SP4: variants seen among roughly 807,000 people sequenced by gnomAD.
The protein encoded by SP4 is transcription factor Sp4.
SP4 carries 19 observed loss-of-function variants against 72.8 expected under a neutral mutation model. The ratio of observed to expected loss-of-function variants is 0.26; its 90% CI spans 0.18 to 0.38. The LOEUF (loss-of-function observed/expected upper bound fraction) is 0.38, where lower values mean the gene tolerates loss of function less well. Among genes scored for constraint, SP4 ranks in the 10% least tolerant of loss-of-function variants. The pLI is 1.00. For missense variants in SP4, 1,008 were observed against 926.3 expected, an observed-to-expected ratio of 1.09 and a Z score of -1.14; for synonymous variants, 395 against 333.1, an observed-to-expected ratio of 1.19 and a Z score of -2.02.
chr7:21,471,459 C>A (rs1287361504), intron 3 of SP4, among the ~76,000 whole-genome samples: 1 of 152,166 alleles, frequency 6.6e-6, no homozygotes, highest in Admixed American at 6.5e-5. Flanking sequence ...AGTGTGGGTT[C>A]AAATCCCAGC....
Position 21,428,179 on chromosome 7 carries a change from T to TGCCCCCCCCCCCCCCC in SP4, c.-73_-72insGCCCCCCCCCCCCCCC. On this transcript the variant is annotated 5_prime_UTR_variant, in exon 1 of 6. Coordinates refer to ENST00000222584, the MANE Select transcript of SP4 (RefSeq NM_003112.5). The stretch of plus-strand genomic sequence containing the variant: ...GCGGGCGGGCGGGACCGGCCTCTCC[T>TGCCCCCCCCCCCCCCC]CCCGCCTCGCCCCCACCCCCACCCA... The TGCCCCCCCCCCCCCCC allele has an allele frequency of 1.2e-5, 7 of 600,790 alleles. No homozygotes were observed. Among genetic ancestry groups the TGCCCCCCCCCCCCCCC allele is most frequent in the East Asian group, 3.8e-5 (1 of 26,626 alleles). The allele number at this position is 600,790 out of a possible 1,614,324, so 37.2% of individuals were successfully genotyped here.
intron 3 of SP4, among the ~76,000 whole-genome samples, chr7:21,451,631 G>A (rs1329364677): frequency 6.6e-6 from 1 of 152,112 alleles, no homozygotes; most frequent in Non-Finnish European, 1.5e-5. Flanking sequence ...GACAGGGGCA[G>A]GATTTTGCCT....
At chr7:21,481,822 C>G (rs1000407594) in intron 4 of SP4, 102 bp from the exon 5 acceptor site, 12 of 828,266 alleles carry the variant, frequency 1.4e-5, no homozygotes, top group Non-Finnish European at 2.4e-5. Flanking sequence ...CAAACCTATT[C>G]AGAGAAGCAT....
At chr7:21,496,502 G>C (rs1781711332) in intron 5 of SP4, among the ~76,000 whole-genome samples, 1 of 152,214 alleles carries the variant, frequency 6.6e-6, no homozygotes, top group African/African-American at 2.4e-5. Flanking sequence ...GTAAACTGAA[G>C]GCTCAAGAGG....
chr7:21,510,460 A>G (rs1174215876), intron 5 of SP4, among the ~76,000 whole-genome samples: 1 of 152,242 alleles, frequency 6.6e-6, no homozygotes, highest in East Asian at 1.9e-4. Flanking sequence ...TGCTTTGGAC[A>G]ACAGAAACTG....
At position 21,511,387 on chromosome 7, in the gene SP4, CTTT is replaced by C; in HGVS notation, c.*119_*121del. The C allele has an allele frequency of 9.2e-7, 1 of 1,086,328 alleles. No homozygotes were observed. The highest frequency in any genetic ancestry group is 1.3e-6 in the Non-Finnish European group (1 of 764,130). The allele number at this position is 1,086,328 out of a possible 1,614,324, so 67.3% of individuals were successfully genotyped here. On this transcript the variant is annotated 3_prime_UTR_variant, in exon 6 of 6. Transcript: ENST00000222584. ...GAAATTATGTTTTCATTCTTGGCTTCTTTAAGTATTCCAGGGTTTGGGGTCAAC... is the reference window on the plus strand; with the variant it reads ...GAAATTATGTTTTCATTCTTGGCTTCAAGTATTCCAGGGTTTGGGGTCAAC...
At chr7:21,466,500 C>A (rs1199089081) in intron 3 of SP4, among the ~76,000 whole-genome samples, 1 of 152,168 alleles carries the variant, frequency 6.6e-6, no homozygotes, top group East Asian at 1.9e-4. Flanking sequence ...AATCAGAACT[C>A]AGAAACAGGT....
At position 21,429,830 on chromosome 7, in the gene SP4, A is replaced by G; in HGVS notation, c.665A>G (p.Gln222Arg). 3.1e-6 allele frequency: 5 copies of G among 1,614,226 alleles called. No individual in the cohort carries two copies. The highest frequency in any genetic ancestry group is 3.4e-6 in the Non-Finnish European group (4 of 1,180,042). Residue 222 changes from glutamine to arginine, a missense_variant, in exon 3 of 6, where the codon CAA becomes CGA. This residue lies in a region of SP4 where 893 missense variants were observed against 743.3 expected (regional missense o/e 1.20). Coordinates refer to ENST00000222584, the MANE Select transcript of SP4 (RefSeq NM_003112.5). ...ACAGCTTCTGGGAATATTCTTGCTC[A>G]AAACCTGGCAAATCAGACAGTTCCG... ...NRTASGNILA[Q>R]NLANQTVPVQ... is the part of the protein sequence containing the mutation.
rs938138552 is a variant in SP4 at position 21,514,380 on chromosome 7, T to C, written c.*3111T>C. ...GTGTTTTTTTATGCATGTCACTAAGTTGTCATCCCACATAAATTGATGTGC... is the reference window on the plus strand; with the variant it reads ...GTGTTTTTTTATGCATGTCACTAAGCTGTCATCCCACATAAATTGATGTGC... On this transcript the variant is annotated 3_prime_UTR_variant, in exon 6 of 6. Coordinates refer to ENST00000222584, the MANE Select transcript of SP4 (RefSeq NM_003112.5). The C allele has an allele frequency of 2.0e-5, 3 of 152,600 alleles. No homozygotes were observed. Among genetic ancestry groups the C allele is most frequent in the African/African-American group, 7.2e-5 (3 of 41,438 alleles). 9.5% of individuals were successfully genotyped at this position (152,600 alleles called of 1,614,324 possible).
At chr7:21,437,305 TC>T (rs1783080497) in intron 3 of SP4, among the ~76,000 whole-genome samples, 1 of 152,204 alleles carries the variant, frequency 6.6e-6, no homozygotes, top group African/African-American at 2.4e-5. Flanking sequence ...GTTCATATCT[TC>T]TTTCTTTAGG....
At chr7:21,478,018 G>A (rs1445407886) in intron 4 of SP4, among the ~76,000 whole-genome samples, 1 of 152,118 alleles carries the variant, frequency 6.6e-6, no homozygotes, top group Non-Finnish European at 1.5e-5. Flanking sequence ...AATAAATTCT[G>A]TATCTTTTTT....
chr7:21,482,644 C>T (rs1236781027), intron 5 of SP4: 1 of 984,416 alleles, frequency 1.0e-6, no homozygotes, highest in Non-Finnish European at 1.2e-6. Flanking sequence ...CATGTTTACC[C>T]TTTCACCTTT....
intron 3 of SP4, among the ~76,000 whole-genome samples, chr7:21,444,316 A>G (rs368055686): frequency 1.3e-5 from 2 of 152,202 alleles, no homozygotes; most frequent in African/African-American, 4.8e-5. Flanking sequence ...ACTTCTTTGA[A>G]CCTTATGTTT....
chr7:21,464,876 T>G (rs1158612157), intron 3 of SP4, among the ~76,000 whole-genome samples: 1 of 152,254 alleles, frequency 6.6e-6, no homozygotes, highest in African/African-American at 2.4e-5. Context: ...GGAAGTAGCT[T>G]TAAAACTTTT....
chr7:21,473,733 C>T (rs1784415425), intron 3 of SP4, among the ~76,000 whole-genome samples: 1 of 152,122 alleles, frequency 6.6e-6, no homozygotes, highest in Admixed American at 6.5e-5. Flanking sequence ...AAGGCATCCC[C>T]ACTTAGACTG....
chr7:21,448,334 CATTA>C (rs1783488908), intron 3 of SP4, among the ~76,000 whole-genome samples: 1 of 152,134 alleles, frequency 6.6e-6, no homozygotes, highest in Non-Finnish European at 1.5e-5. Flanking sequence ...ATTTGTGTTT[CATTA>C]ATTATTAAGA....
At chr7:21,468,274 A>G (rs1437143855) in intron 3 of SP4, among the ~76,000 whole-genome samples, 1 of 152,102 alleles carries the variant, frequency 6.6e-6, no homozygotes, top group African/African-American at 2.4e-5. Context: ...GATTTTTCAC[A>G]TGTCAAATTA....
Position 21,428,775 on chromosome 7 carries a change from A to G in SP4, c.106A>G (p.Lys36Glu). The change falls in exon 2 of 6, where the codon AAA becomes GAA. Residue 36 changes from lysine (K) to glutamate (E), a missense_variant. Physicochemically the swap from Lys to Glu is moderately conservative, Grantham distance 56 (BLOSUM62 1). Around this residue, in one of 3 missense-constraint regions of SP4, gnomAD observed 893 missense variants for 743.3 expected, o/e 1.20. Transcript: ENST00000222584. ...SEPENNNKKP[K>E]TSGSQDSQPS... is the part of the protein sequence containing the mutation. ...GCCAGAGAATAACAATAAAAAACCC[A>G]AAACCTCAGGCTCCCAGGTAAAAGC... The G allele has an allele frequency of 2.6e-6, 4 of 1,550,996 alleles. No individual in the cohort carries two copies. Among genetic ancestry groups the G allele is most frequent in the Non-Finnish European group, 2.6e-6 (3 of 1,146,888 alleles).
rs1782210297 is a variant in SP4, at chr7:21,514,114, G to A, written c.*2845G>A. ...ATGGTAAAACTCCAGTGTTAGAATA[G>A]TTTTTTCTTACAGTATACTTTCTTT... On this transcript the variant is annotated 3_prime_UTR_variant, in exon 6 of 6. Coordinates refer to ENST00000222584, the MANE Select transcript of SP4 (RefSeq NM_003112.5). 6.6e-6 allele frequency: 1 copy of A among 152,554 alleles called. No homozygotes were observed. Among genetic ancestry groups the A allele is most frequent in the African/African-American group, 2.4e-5 (1 of 41,428 alleles). The allele number at this position is 152,554 out of a possible 1,614,324, so 9.5% of individuals were successfully genotyped here.
Sources: allele counts gnomAD v4.1 joint callset (sites outside exome capture counted in the v4.1 genomes callset), GRCh38; gene constraint gnomAD v4.1.1; regional missense constraint gnomAD v4.1.1; transcripts MANE v1.5; gene names NCBI Gene and HGNC (gene_info 2026-07-23, HGNC 2026-07-21).